The following CXXC4 variants were observed in gnomAD, a reference collection of about 807,000 sequenced individuals.
CXXC4 encodes CXXC finger protein 4, also known as CXXC-type zinc finger protein 4.
A neutral mutation model predicts 20.5 loss-of-function variants in CXXC4; 5 were observed. The observed-to-expected ratio is 0.24, with a 90% CI of 0.13 to 0.51. The LOEUF (loss-of-function observed/expected upper bound fraction) is 0.51, where lower values mean the gene tolerates loss of function less well. Ranked by LOEUF, CXXC4 falls within the 20% of genes least tolerant of loss-of-function variation. The pLI is 0.97. For synonymous variants in CXXC4, 250 were observed against 216.4 expected (o/e 1.16, Z -1.36); for missense variants, 419 against 496.4 (o/e 0.84, Z 1.48).
At position 104,491,713 on chromosome 4, in the gene CXXC4, G is replaced by C; in HGVS notation, c.90C>G (p.Asn30Lys). 2 of 1,545,974 alleles carry C rather than the reference G, an allele frequency of 1.3e-6. No individual in the cohort carries two copies. The highest frequency in any genetic ancestry group is 1.7e-6 in the Non-Finnish European group (2 of 1,144,972). ...KESHLPEGALNSLVDYNSEME... is the reference protein window; with the variant it reads ...KESHLPEGALKSLVDYNSEME... Reference sequence around the variant, plus strand: ...TTTCCGAGTTGTAATCCACAAGGCTGTTCAGAGCCCCCTCGGGCAAGTGGC... The same window carrying C: ...TTTCCGAGTTGTAATCCACAAGGCTCTTCAGAGCCCCCTCGGGCAAGTGGC... The change falls in exon 2 of 3, where the codon AAC becomes AAG. Residue 30 changes from asparagine to lysine, a missense_variant. Coordinates refer to ENST00000394767, the MANE Select transcript of CXXC4 (RefSeq NM_025212.4).
chr4:104,477,945 A>G (rs1219510052), intron 2 of CXXC4, among the ~76,000 whole-genome samples: 1 of 152,180 alleles, frequency 6.6e-6, no homozygotes, highest in Non-Finnish European at 1.5e-5. Flanking sequence ...TAAATTAAAA[A>G]CAACTTTCAA....
Position 104,469,325 on chromosome 4 carries a change from C to A in CXXC4, c.*2997G>T, listed in dbSNP as rs1356817659. 6.6e-6 allele frequency: 1 copy of A among 151,976 alleles called. No homozygotes were observed. The highest frequency in any genetic ancestry group is 1.9e-4 in the East Asian group (1 of 5,174). The allele number at this position is 151,976 out of a possible 1,614,324, so 9.4% of individuals were successfully genotyped here. A position where few individuals can be genotyped will look rare whatever the true frequency, so the allele number is the denominator to read the frequency against. On this transcript the variant is annotated 3_prime_UTR_variant, in exon 3 of 3. Coordinates refer to ENST00000394767, the MANE Select transcript of CXXC4 (RefSeq NM_025212.4). ...GCCTCAAGTATTTACCATGATCTCCCCAAATGCTGGCAGATTATGGCATCT... is the reference window on the plus strand; with the variant it reads ...GCCTCAAGTATTTACCATGATCTCCACAAATGCTGGCAGATTATGGCATCT...
chr4:104,481,544 G>GA (rs70961978), intron 2 of CXXC4, among the ~76,000 whole-genome samples: 3,567 of 138,056 alleles, frequency 0.026, 132 homozygotes, highest in African/African-American at 0.085. Context: ...AGGGAAAAAA[G>GA]AAAAAAAAAA....
chr4:104,486,166 G>A (rs888893230), intron 2 of CXXC4, among the ~76,000 whole-genome samples: 1 of 152,032 alleles, frequency 6.6e-6, no homozygotes, highest in Non-Finnish European at 1.5e-5. Context: ...TTACATGATG[G>A]TTGGATGGGC....
At position 104,471,253 on chromosome 4, in the gene CXXC4, T is replaced by C. The variant is rs1736266189; in HGVS notation, c.*1069A>G. ...TCAAGTGTTAAAACTACCCATTTAA[T>C]ATCATACATGAAGTTAAAACATTGG... On this transcript the variant is annotated 3_prime_UTR_variant, in exon 3 of 3. Transcript: ENST00000394767. 1 of 152,056 alleles carries C rather than the reference T, an allele frequency of 6.6e-6. No homozygotes were observed. Among genetic ancestry groups the C allele is most frequent in the African/African-American group, 2.4e-5 (1 of 41,440 alleles). 9.4% of individuals were successfully genotyped at this position (152,056 alleles called of 1,614,324 possible). A position where few individuals can be genotyped will look rare whatever the true frequency, so the allele number is the denominator to read the frequency against.
At chr4:104,487,017 G>A (rs987765389) in intron 2 of CXXC4, among the ~76,000 whole-genome samples, 6 of 151,916 alleles carry the variant, frequency 3.9e-5, no homozygotes, top group African/African-American at 1.5e-4. Context: ...ATTTTTTTCT[G>A]CCAACCCCCT....
At chr4:104,475,959 A>C (rs529010436) in intron 2 of CXXC4, among the ~76,000 whole-genome samples, 4 of 152,190 alleles carry the variant, frequency 2.6e-5, no homozygotes, top group African/African-American at 9.6e-5. Context: ...CTGTGGAGAA[A>C]CCTGCAGCCC....
At chr4:104,481,252 G>C (rs988620807) in intron 2 of CXXC4, among the ~76,000 whole-genome samples, 1 of 152,118 alleles carries the variant, frequency 6.6e-6, no homozygotes, top group Non-Finnish European at 1.5e-5. Flanking sequence ...TAGGGAGGCC[G>C]GGTGTTGTGG....
At chr4:104,486,867 T>C (rs1288803605) in intron 2 of CXXC4, among the ~76,000 whole-genome samples, 1 of 152,204 alleles carries the variant, frequency 6.6e-6, no homozygotes, top group Admixed American at 6.5e-5. Context: ...CCTGTACTCA[T>C]TACAGATGGT....
chr4:104,479,206 T>C (rs2110272799), intron 2 of CXXC4, among the ~76,000 whole-genome samples: 1 of 152,208 alleles, frequency 6.6e-6, no homozygotes, highest in Non-Finnish European at 1.5e-5. Flanking sequence ...TTTATCCCTT[T>C]TTTATTGAAG....
Position 104,469,159 on chromosome 4 carries a change from T to C in CXXC4, c.*3163A>G, listed in dbSNP as rs996662809. 49 of 152,084 alleles carry C rather than the reference T, an allele frequency of 3.2e-4. No homozygotes were observed. The highest frequency in any genetic ancestry group is 1.2e-3 in the African/African-American group (48 of 41,446). 9.4% of individuals were successfully genotyped at this position (152,084 alleles called of 1,614,324 possible). On this transcript the variant is annotated 3_prime_UTR_variant, in exon 3 of 3. Coordinates refer to ENST00000394767, the MANE Select transcript of CXXC4 (RefSeq NM_025212.4). ...TCTACTTTGAATCTGACTCCACTTG[T>C]AGACAGACAGGCAGAGTCCATCAGA...
Position 104,472,201 on chromosome 4 carries a change from T to C in CXXC4, c.*121A>G, listed in dbSNP as rs1038209759. The C allele has an allele frequency of 8.8e-5, 44 of 498,704 alleles. No homozygotes were observed. Among genetic ancestry groups the C allele is most frequent in the Non-Finnish European group, 1.4e-4 (39 of 278,988 alleles). 30.9% of individuals were successfully genotyped at this position (498,704 alleles called of 1,614,324 possible). A position where few individuals can be genotyped will look rare whatever the true frequency, so the allele number is the denominator to read the frequency against. On this transcript the variant is annotated 3_prime_UTR_variant, in exon 3 of 3. Coordinates refer to ENST00000394767, the MANE Select transcript of CXXC4 (RefSeq NM_025212.4). The stretch of plus-strand genomic sequence containing the variant: ...TTTTTTTTTTTTGAAGAAAGCCCTA[T>C]ACATAAAATGAAAATAATTTCTGGA...
chr4:104,481,944 A>C (rs1436276829), intron 2 of CXXC4, among the ~76,000 whole-genome samples: 1 of 152,160 alleles, frequency 6.6e-6, no homozygotes, highest in African/African-American at 2.4e-5. Context: ...TTCTTTCCTC[A>C]CTACAGACTT....
In CXXC4 at chr4:104,472,230, T is replaced by G; in HGVS notation, c.*92A>C. 2.9e-6 allele frequency: 2 copies of G among 678,058 alleles called. No individual in the cohort carries two copies. Among genetic ancestry groups the G allele is most frequent in the Non-Finnish European group, 4.9e-6 (2 of 406,560 alleles). The allele number at this position is 678,058 out of a possible 1,614,324, so 42.0% of individuals were successfully genotyped here. A position where few individuals can be genotyped will look rare whatever the true frequency, so the allele number is the denominator to read the frequency against. On this transcript the variant is annotated 3_prime_UTR_variant, in exon 3 of 3. Coordinates refer to ENST00000394767, the MANE Select transcript of CXXC4 (RefSeq NM_025212.4). Reference sequence around the variant, plus strand: ...TAAAATGAAAATAATTTCTGGATATTTTCTTCAGTGGTGGACTAAGCAGTT... The same window carrying G: ...TAAAATGAAAATAATTTCTGGATATGTTCTTCAGTGGTGGACTAAGCAGTT...
chr4:104,484,825 G>A (rs752554116), intron 2 of CXXC4, among the ~76,000 whole-genome samples: 24 of 151,968 alleles, frequency 1.6e-4, no homozygotes, highest in Non-Finnish European at 2.5e-4. Context: ...GAAAACATAT[G>A]ATGCTGAATG....
intron 1 of CXXC4, among the ~76,000 whole-genome samples, chr4:104,493,601 C>A (rs1056412922): frequency 2.1e-4 from 32 of 152,182 alleles, no homozygotes; most frequent in Non-Finnish European, 2.9e-5. Context: ...TCACCCCAGG[C>A]TGGATTAGAA....
In CXXC4 at chr4:104,468,921, A is replaced by G. The variant is rs772940022; in HGVS notation, c.*3401T>C. On this transcript the variant is annotated 3_prime_UTR_variant, in exon 3 of 3. Transcript: ENST00000394767. ...CTTTAGCATTAATTGCACAACTTACATATCAGGGTTTCTGATTGAAAGGAA... is the reference window on the plus strand; with the variant it reads ...CTTTAGCATTAATTGCACAACTTACGTATCAGGGTTTCTGATTGAAAGGAA... The G allele has an allele frequency of 3.3e-5, 5 of 152,056 alleles. No individual in the cohort carries two copies. Among genetic ancestry groups the G allele is most frequent in the Non-Finnish European group, 7.4e-5 (5 of 67,966 alleles). 9.4% of individuals were successfully genotyped at this position (152,056 alleles called of 1,614,324 possible). A position where few individuals can be genotyped will look rare whatever the true frequency, so the allele number is the denominator to read the frequency against.
At chr4:104,475,175 A>G (rs1010931650) in intron 2 of CXXC4, 2 of 152,134 alleles carry the variant, frequency 1.3e-5, no homozygotes, top group South Asian at 4.1e-4. Context: ...AGTTTATTGC[A>G]GGAGAAGTGA....
At chr4:104,483,101 CA>C (rs1736596242) in intron 2 of CXXC4, among the ~76,000 whole-genome samples, 1 of 151,946 alleles carries the variant, frequency 6.6e-6, no homozygotes, top group Non-Finnish European at 1.5e-5. Context: ...GTTTCAAATG[CA>C]TAAGTAAAAA....
Sources: gnomAD v4.1 joint callset for allele counts (sites outside exome capture counted in the v4.1 genomes callset) on GRCh38, gnomAD v4.1.1 for gene constraint, MANE v1.5 for transcripts, NCBI Gene and HGNC (gene_info 2026-07-23, HGNC 2026-07-21) for gene names.